The following LRRC24 variants were observed in gnomAD, a reference collection of about 807,000 sequenced individuals.
LRRC24 encodes the protein leucine-rich repeat-containing protein 24.
Under a neutral mutation model 15.3 loss-of-function variants are expected in LRRC24, and 19 were observed. The ratio of observed to expected loss-of-function variants is 1.25; its 90% confidence interval spans 0.87 to 1.83. LRRC24 has a LOEUF of 1.83. Among genes scored for constraint, LRRC24 ranks in the 40% most tolerant of loss-of-function variants. The probability of loss-of-function intolerance (pLI) is 0.00; values close to 1 mark genes in which losing one functional copy is unlikely to be tolerated. For missense variants in LRRC24, 914 were observed against 723.9 expected, an observed-to-expected ratio of 1.26 and a Z score of -3.01; for synonymous variants, 469 against 359.6, an observed-to-expected ratio of 1.30 and a Z score of -3.44.
chr8:144,526,370 C>T (rs919929189), intron 1 of LRRC24: 15 of 152,216 alleles, frequency 9.9e-5, no homozygotes, highest in African/African-American at 3.1e-4. Flanking sequence ...TGGTACGTGG[C>T]TCCAGGCCTG....
Position 144,522,669 on chromosome 8 carries a change from A to C in LRRC24, c.1348T>G (p.Leu450Val). 1.3e-6 allele frequency: 2 copies of C among 1,595,122 alleles called. No homozygotes were observed. The highest frequency in any genetic ancestry group is 1.7e-6 in the Non-Finnish European group (2 of 1,172,130). ...GEGALFVNDY[L>V]DGPCTFAQLE... ...TGTGCGAACGTACAGGGGCCGTCCAAGTAGTCGTTGACGAACAGCGCTCCC... is the reference window on the plus strand; with the variant it reads ...TGTGCGAACGTACAGGGGCCGTCCACGTAGTCGTTGACGAACAGCGCTCCC... The change falls in exon 5 of 5, where the codon TTG becomes GTG. Residue 450 changes from leucine to valine, a missense_variant. Physicochemically the swap from Leu to Val is conservative, Grantham distance 32 (BLOSUM62 1). Coordinates refer to ENST00000529415, the MANE Select transcript of LRRC24 (RefSeq NM_001024678.4).
intron 2 of LRRC24, 23 bp downstream of exon 2, chr8:144,524,793 C>T (rs1209628574): frequency 3.5e-6 from 5 of 1,439,882 alleles, no homozygotes; most frequent in Non-Finnish European, 4.5e-6. Flanking sequence ...CCCCGTCCTC[C>T]CGCAGCTCCA....
Position 144,522,553 on chromosome 8 carries a change from G to A in LRRC24, c.1464C>T (p.Pro488=), listed in dbSNP as rs1172005206. 5 of 1,536,344 alleles carry A rather than the reference G, an allele frequency of 3.3e-6. No homozygotes were observed. The highest frequency in any genetic ancestry group is 1.4e-5 in the African/African-American group (1 of 70,428). Residue 488 remains proline (P), a synonymous_variant, in exon 5 of 5, where the codon CCC becomes CCT. Coordinates refer to ENST00000529415, the MANE Select transcript of LRRC24 (RefSeq NM_001024678.4). ...CCCCCTGTTCCGGGCCGCAGTCAGC[G>A]GGCGCCTCCGCCGGACCCTCGGCGA... The part of the protein sequence containing the change: ...PLFAEGPAEA[P]ADCGPEQGAG...
rs1816187208 is a variant in LRRC24, at chr8:144,523,014, T to C, written c.1003A>G (p.Ile335Val). ...TGSGMLFLSNITLAHAGKYEC... is the reference protein window; with the variant it reads ...TGSGMLFLSNVTLAHAGKYEC... ...TACTTACCGGCGTGCGCCAGCGTGA[T>C]GTTGCTGAGGAAGAGCATGCCGCTG... The change falls in exon 5 of 5, where the codon ATC (isoleucine) becomes GTC (valine). Residue 335 changes from isoleucine (I) to valine (V), a missense_variant. Coordinates refer to ENST00000529415, the MANE Select transcript of LRRC24 (RefSeq NM_001024678.4). The C allele has an allele frequency of 6.3e-7, 1 of 1,597,392 alleles. No individual in the cohort carries two copies. Among genetic ancestry groups the C allele is most frequent in the South Asian group, 1.1e-5 (1 of 90,332 alleles).
At position 144,522,901 on chromosome 8, in the gene LRRC24, G is replaced by T. The variant is rs1816178326; in HGVS notation, c.1116C>A (p.Pro372=). Reference sequence around the variant, plus strand: ...GGGCGGCCGGAGGCGGCGGTTGCGCGGGCTGCTGCGGCTGCTGCCGGGACG... The same window carrying T: ...GGGCGGCCGGAGGCGGCGGTTGCGCTGGCTGCTGCGGCTGCTGCCGGGACG... ...VNASRQQPQQ[P]AQPPPPAARP... is the part of the protein sequence containing the mutation. The change falls in exon 5 of 5, where the codon CCC becomes CCA. Residue 372 remains proline (P), a synonymous_variant. Transcript: ENST00000529415. 4 of 1,311,782 alleles carry T rather than the reference G, an allele frequency of 3.0e-6. No individual in the cohort carries two copies. The highest frequency in any genetic ancestry group is 3.9e-6 in the Non-Finnish European group (4 of 1,036,948). The allele number at this position is 1,311,782 out of a possible 1,614,324, so 81.3% of individuals were successfully genotyped here.
In LRRC24 at chr8:144,524,489, C is replaced by T. The variant is rs758113793; in HGVS notation, c.390G>A (p.Ala130=). The T allele has an allele frequency of 2.5e-6, 4 of 1,597,590 alleles. No homozygotes were observed. In the South Asian group the frequency reaches 3.3e-5, roughly 13 times the overall value. ...CCAGCAGCCGCGCCAGCTGGTTGCCCGCCAGGTAGAGCACGCGCAGCTGGG... is the reference window on the plus strand; with the variant it reads ...CCAGCAGCCGCGCCAGCTGGTTGCCTGCCAGGTAGAGCACGCGCAGCTGGG... The part of the protein sequence containing the change: ...GLAQLRVLYL[A]GNQLARLLDF... Residue 130 remains alanine, a synonymous_variant, in exon 3 of 5, where the codon GCG becomes GCA. Coordinates refer to ENST00000529415, the MANE Select transcript of LRRC24 (RefSeq NM_001024678.4).
rs749001034 is a variant in LRRC24, at chr8:144,522,977, G to GCCTC, written c.1036_1039dup (p.Ala347GlyfsTer145). 6.3e-7 allele frequency: 1 copy of GCCTC among 1,590,772 alleles called. No individual in the cohort carries two copies. Among genetic ancestry groups the GCCTC allele is most frequent in the East Asian group, 2.3e-5 (1 of 44,158 alleles). On this transcript the variant is annotated frameshift_variant, in exon 5 of 5. Transcript: ENST00000529415. LOFTEE classifies it low-confidence loss of function (END_TRUNC). The stretch of plus-strand genomic sequence containing the variant: ...GCGGGCAGCGCCGCCGGCGTTGGAG[G>GCCTC]CCTCGCACTCGTACTTACCGGCGTG...
Position 144,522,923 on chromosome 8 carries a change from G to C in LRRC24, c.1094C>G (p.Ser365Cys). The C allele has an allele frequency of 6.8e-7, 1 of 1,469,708 alleles. No individual in the cohort carries two copies. Among genetic ancestry groups the C allele is most frequent in the Non-Finnish European group, 8.9e-7 (1 of 1,118,882 alleles). The allele number at this position is 1,469,708 out of a possible 1,614,324, so 91.0% of individuals were successfully genotyped here. ...RVPFRLLVNA[S>C]RQQPQQPAQP... ...CGCGGGCTGCTGCGGCTGCTGCCGG[G>C]ACGCGTTGACCAGGAGCCGGAAGGG... The change falls in exon 5 of 5, where the codon TCC (serine) becomes TGC (cysteine). Residue 365 changes from serine to cysteine, a missense_variant. By Grantham distance (112) the Ser-to-Cys change is moderately radical (BLOSUM62 -1). Transcript: ENST00000529415.
At position 144,522,827 on chromosome 8, in the gene LRRC24, C is replaced by CG. The variant is rs1378911288; in HGVS notation, c.1189dup (p.Arg397ProfsTer94). 6.8e-7 allele frequency: 1 copy of CG among 1,469,420 alleles called. No individual in the cohort carries two copies. Among genetic ancestry groups the CG allele is most frequent in the African/African-American group, 1.5e-5 (1 of 67,992 alleles). 91.0% of individuals were successfully genotyped at this position (1,469,420 alleles called of 1,614,324 possible). A position where few individuals can be genotyped will look rare whatever the true frequency, so the allele number is the denominator to read the frequency against. ...CGTCTGTGTGGCCACGCCCAGGGCG[C>CG]GGAAGGCCATGCTGCCCGCCTCGGG... is the stretch of plus-strand genomic sequence containing the variant. On this transcript the variant is annotated frameshift_variant, in exon 5 of 5. Coordinates refer to ENST00000529415, the MANE Select transcript of LRRC24 (RefSeq NM_001024678.4). LOFTEE classifies it low-confidence loss of function (END_TRUNC).
chr8:144,523,287 G>A lies in LRRC24; in HGVS notation c.730C>T (p.Leu244Phe). The A allele has an allele frequency of 6.2e-7, 1 of 1,610,904 alleles. No individual in the cohort carries two copies. Among genetic ancestry groups the A allele is most frequent in the Non-Finnish European group, 8.5e-7 (1 of 1,179,194 alleles). ...TGGGATACGTCCAGGAGACTCTGGA[G>A]CGCCAGGCGCGGGGGCTCTGCACAC... ...IMCAEPPRLA[L>F]QSLLDVSHSS... The change falls in exon 5 of 5, where the codon CTC becomes TTC. Residue 244 changes from leucine (L) to phenylalanine (F), a missense_variant. By Grantham distance (22) the Leu-to-Phe change is conservative. Coordinates refer to ENST00000529415, the MANE Select transcript of LRRC24 (RefSeq NM_001024678.4).
chr8:144,522,772 C>A lies in LRRC24; in HGVS notation c.1245G>T (p.Ala415=), dbSNP rs1352522577. 6.4e-7 allele frequency: 1 copy of A among 1,565,884 alleles called. No homozygotes were observed. Among genetic ancestry groups the A allele is most frequent in the Non-Finnish European group, 8.6e-7 (1 of 1,159,536 alleles). ...TAIAAAIALL[A]LTALLLVAMI... is the part of the protein sequence containing the mutation. ...TGGCGACCAGGAGCAGCGCCGTGAG[C>A]GCCAGCAGCGCGATGGCCGCCGCAA... Residue 415 remains alanine (A), a synonymous_variant, in exon 5 of 5, where the codon GCG becomes GCT. Coordinates refer to ENST00000529415, the MANE Select transcript of LRRC24 (RefSeq NM_001024678.4).
At position 144,524,277 on chromosome 8, in the gene LRRC24, C is replaced by A. The variant is rs1438190274; in HGVS notation, c.440G>T (p.Arg147Leu). 1 of 1,611,534 alleles carries A rather than the reference C, an allele frequency of 6.2e-7. No individual in the cohort carries two copies. Residue 147 changes from arginine to leucine, a missense_variant and splice_region_variant, in exon 4 of 5, where the codon CGA (arginine) becomes CTA (leucine). By Grantham distance (102) the Arg-to-Leu change is moderately radical (BLOSUM62 -2). Coordinates refer to ENST00000529415, the MANE Select transcript of LRRC24 (RefSeq NM_001024678.4). The part of the protein sequence containing the change: ...LLDFTFLHLP[R>L]LQELHLQENS... ...TTCTTGCAGGTGAAGCTCCTGCAGT[C>A]GCTGAAGTAAGGACAGCAGATCGTG...
Position 144,524,557 on chromosome 8 carries a change from T to C in LRRC24, c.322A>G (p.Asn108Asp). The change falls in exon 3 of 5, where the codon AAC becomes GAC. Residue 108 changes from asparagine (N) to aspartate (D), a missense_variant. By Grantham distance (23) the Asn-to-Asp change is conservative (BLOSUM62 1). Transcript: ENST00000529415. ...PRLLELALTS[N>D]RLRGLRSGAF... ...CCGCTGCGCAAGCCGCGCAGCCGGT[T>C]GCTAGTGAGCGCCAGCTCCAGCAGG... The C allele has an allele frequency of 1.3e-6, 2 of 1,574,292 alleles. No homozygotes were observed. Among genetic ancestry groups the C allele is most frequent in the Non-Finnish European group, 1.7e-6 (2 of 1,168,532 alleles).
Position 144,522,861 on chromosome 8 carries a change from C to T in LRRC24, c.1156G>A (p.Glu386Lys), listed in dbSNP as rs1383796094. ...ATGCTGCCCGCCTCGGGCCGGGGCTCGCTGCCGGCGGGGCGGGCGGCCGGA... is the reference window on the plus strand; with the variant it reads ...ATGCTGCCCGCCTCGGGCCGGGGCTTGCTGCCGGCGGGGCGGGCGGCCGGA... ...PPPAARPAGS[E>K]PRPEAGSMAF... Residue 386 changes from glutamate to lysine, a missense_variant, in exon 5 of 5, where the codon GAG becomes AAG. Glu to Lys is a moderately conservative substitution (Grantham distance 56, BLOSUM62 1). Coordinates refer to ENST00000529415, the MANE Select transcript of LRRC24 (RefSeq NM_001024678.4). 25 of 1,271,230 alleles carry T rather than the reference C, an allele frequency of 2.0e-5. No homozygotes were observed. The highest frequency in any genetic ancestry group is 4.2e-5 in the Admixed American group (1 of 23,722). 78.7% of individuals were successfully genotyped at this position (1,271,230 alleles called of 1,614,324 possible). A position where few individuals can be genotyped will look rare whatever the true frequency, so the allele number is the denominator to read the frequency against.
intron 4 of LRRC24, chr8:144,523,844 C>A (rs768445170): frequency 5.5e-5 from 27 of 489,362 alleles, no homozygotes; most frequent in Non-Finnish European, 9.4e-5. Context: ...TTTTGTCTGC[C>A]TCCCCTCAGC....
Position 144,524,970 on chromosome 8 carries a change from G to C in LRRC24, c.5C>G (p.Ala2Gly). Residue 2 changes from alanine to glycine, a missense_variant, in exon 2 of 5, where the codon GCC (alanine) becomes GGC (glycine). Transcript: ENST00000529415. MALRAPALLPLL... is the reference protein window; with the variant it reads MGLRAPALLPLL... ...CGGCAGCAGTGCGGGGGCCCTCAGG[G>C]CCATCTCCCGAGGCCCGGTTCCTCA... 6.8e-7 allele frequency: 1 copy of C among 1,462,284 alleles called. No homozygotes were observed. The highest frequency in any genetic ancestry group is 9.0e-7 in the Non-Finnish European group (1 of 1,108,058). 90.6% of individuals were successfully genotyped at this position (1,462,284 alleles called of 1,614,324 possible).
chr8:144,522,944 A>G lies in LRRC24; in HGVS notation c.1073T>C (p.Phe358Ser). 1 of 1,559,886 alleles carries G rather than the reference A, an allele frequency of 6.4e-7. No homozygotes were observed. Among genetic ancestry groups the G allele is most frequent in the Non-Finnish European group, 8.6e-7 (1 of 1,162,060 alleles). ...CCGGGACGCGTTGACCAGGAGCCGG[A>G]AGGGCACGCGGGCAGCGCCGCCGGC... ...SNAGGAARVP[F>S]RLLVNASRQQ... Residue 358 changes from phenylalanine (F) to serine (S), a missense_variant, in exon 5 of 5, where the codon TTC becomes TCC. Coordinates refer to ENST00000529415, the MANE Select transcript of LRRC24 (RefSeq NM_001024678.4).
In LRRC24 at chr8:144,524,884, T is replaced by C. The variant is rs970891872; in HGVS notation, c.91A>G (p.Ser31Gly). 3 of 1,513,544 alleles carry C rather than the reference T, an allele frequency of 2.0e-6. 1 individual carries two copies. The highest frequency in any genetic ancestry group is 4.6e-4 in the Middle Eastern group (2 of 4,368). 93.8% of individuals were successfully genotyped at this position (1,513,544 alleles called of 1,614,324 possible). ...AGGGCGCCACACTCCACCGTGGCGC[T>C]GTAGCAGCGGCAGGCTGCTGGGCAG... Reference protein sequence around the residue: ...AGCPAACRCYSATVECGALRL... With the variant: ...AGCPAACRCYGATVECGALRL... The change falls in exon 2 of 5, where the codon AGC (serine) becomes GGC (glycine). Residue 31 changes from serine (S) to glycine (G), a missense_variant. Transcript: ENST00000529415.
At chr8:144,524,754 T>C (rs2721138) in intron 2 of LRRC24, 35 bp from the exon 3 acceptor site, 703,165 of 1,433,474 alleles carry the variant, frequency 0.49, 174,703 homozygotes, top group African/African-American at 0.65. Flanking sequence ...GCTTACCCCG[T>C]TGCGGGGGTC....
Sources: allele counts gnomAD v4.1 joint callset, GRCh38; gene constraint gnomAD v4.1.1; transcripts MANE v1.5; gene names NCBI Gene and HGNC (gene_info 2026-07-23, HGNC 2026-07-21).